The following MCTP1 variants were observed in gnomAD, a reference collection of about 807,000 sequenced individuals.
MCTP1 encodes the protein multiple C2 and transmembrane domain-containing protein 1.
In MCTP1, 69 loss-of-function variants were observed where a neutral mutation model predicts 120.6. That is an observed-to-expected ratio of 0.57 (90% CI 0.47 to 0.70). MCTP1 has a LOEUF of 0.70. Ranked by LOEUF, MCTP1 falls within the 30% of genes least tolerant of loss-of-function variation. The pLI, the probability that MCTP1 is intolerant of heterozygous loss-of-function variation, is 0.00. For missense variants in MCTP1, 1,203 were observed against 1,248.8 expected, an observed-to-expected ratio of 0.96 and a Z score of 0.55; for synonymous variants, 529 against 493.1, an observed-to-expected ratio of 1.07 and a Z score of -0.96.
intron 17 of MCTP1, among the ~76,000 whole-genome samples, chr5:94,847,196 T>C (rs1792587492): frequency 6.6e-6 from 1 of 152,208 alleles, no homozygotes; most frequent in Non-Finnish European, 1.5e-5. Flanking sequence ...AGGTGATATG[T>C]ATGTACATCA....
intron 2 of MCTP1, among the ~76,000 whole-genome samples, chr5:95,010,448 G>T (rs967435581): frequency 6.6e-6 from 1 of 151,890 alleles, no homozygotes; most frequent in Non-Finnish European, 1.5e-5. Context: ...ATATAAATTC[G>T]CAAATCTCAA....
intron 2 of MCTP1, among the ~76,000 whole-genome samples, chr5:95,012,236 A>G (rs1836145531): frequency 6.6e-6 from 1 of 152,104 alleles, no homozygotes; most frequent in African/African-American, 2.4e-5. Flanking sequence ...TTCATTCTAG[A>G]CTGCCTACTT....
At chr5:95,143,012 A>G (rs894711815) in intron 1 of MCTP1, among the ~76,000 whole-genome samples, 1 of 152,184 alleles carries the variant, frequency 6.6e-6, no homozygotes, top group Admixed American at 6.5e-5. Flanking sequence ...GAAAATTAAA[A>G]TTCTAAAAGG....
intron 4 of MCTP1, among the ~76,000 whole-genome samples, chr5:94,940,711 A>G (rs73136051): frequency 0.032 from 4,800 of 150,762 alleles, 171 homozygotes; most frequent in African/African-American, 0.087. Context: ...TAATGATTAC[A>G]TACAAAAATT....
intron 17 of MCTP1, among the ~76,000 whole-genome samples, chr5:94,828,051 GA>G (rs1269441629): frequency 6.6e-6 from 1 of 152,046 alleles, no homozygotes; most frequent in Admixed American, 6.5e-5. Flanking sequence ...CTGGTTTTTG[GA>G]ATTTTCAGCC....
At chr5:95,264,086 T>C (rs1451285775) in intron 1 of MCTP1, among the ~76,000 whole-genome samples, 1 of 152,216 alleles carries the variant, frequency 6.6e-6, no homozygotes, top group African/African-American at 2.4e-5. Flanking sequence ...ATGAAGCTGC[T>C]TGCAAGTGGA....
intron 1 of MCTP1, among the ~76,000 whole-genome samples, chr5:95,119,406 T>C (rs559312044): frequency 3.3e-5 from 5 of 152,162 alleles, no homozygotes; most frequent in African/African-American, 1.2e-4. Flanking sequence ...TTTATAGTTA[T>C]ACGTGCCTAC....
At chr5:95,018,503 A>AT (rs35327131) in intron 1 of MCTP1, among the ~76,000 whole-genome samples, 88,257 of 148,314 alleles carry the variant, frequency 0.6, 27,929 homozygotes, top group Non-Finnish European at 0.73. Context: ...TTAAAGCAGC[A>AT]TTTTTTTTTT....
In MCTP1 at chr5:95,182,738, T is replaced by TG. The variant is rs1192309091; in HGVS notation, c.720+101117dup. ...ATCATTTTTAAAATTATAAAAAAAA[T>TG]GGGGGGGACTCATGTTAACTGGCTT... On this transcript the variant is annotated intron_variant, in intron 1 of 22. Coordinates refer to ENST00000515393, the MANE Select transcript of MCTP1 (RefSeq NM_024717.7). Among the ~76,000 whole-genome samples, 9 of 151,642 alleles carry TG rather than the reference T, an allele frequency of 5.9e-5. No homozygotes were observed. The South Asian group carries it at 1.0e-3, about 18-fold the overall frequency.
At chr5:95,200,615 C>T (rs1285032235) in intron 1 of MCTP1, among the ~76,000 whole-genome samples, 1 of 152,126 alleles carries the variant, frequency 6.6e-6, no homozygotes, top group African/African-American at 2.4e-5. Context: ...ACAAATACCA[C>T]ATGATCTCAC....
chr5:94,718,275 A>T (rs951051877), intron 19 of MCTP1, among the ~76,000 whole-genome samples: 20 of 152,264 alleles, frequency 1.3e-4, no homozygotes, highest in African/African-American at 4.8e-4. Flanking sequence ...GATTCCCTAT[A>T]TAAAAACAGT....
At chr5:95,018,683 C>G (rs1837614735) in intron 1 of MCTP1, among the ~76,000 whole-genome samples, 1 of 151,994 alleles carries the variant, frequency 6.6e-6, no homozygotes, top group South Asian at 2.1e-4. Context: ...ATAAATGATT[C>G]CTCAGTCACT....
intron 22 of MCTP1, 117 bp downstream of exon 22, chr5:94,708,395 T>C (rs1755439879): frequency 1.6e-6 from 1 of 625,610 alleles, no homozygotes; most frequent in East Asian, 2.9e-5. Flanking sequence ...CTACACAGGC[T>C]TTATTAATTT....
At chr5:94,956,182 T>C (rs1435571997) in intron 2 of MCTP1, among the ~76,000 whole-genome samples, 1 of 152,084 alleles carries the variant, frequency 6.6e-6, no homozygotes, top group Admixed American at 6.5e-5. Context: ...ACCTGACTGT[T>C]AGAAGAAAAC....
rs1807829288 is a variant in MCTP1, at chr5:94,909,373, T to G, written c.1530A>C (p.Pro510=). 3 of 1,574,910 alleles carry G rather than the reference T, an allele frequency of 1.9e-6. No individual in the cohort carries two copies. The highest frequency in any genetic ancestry group is 8.6e-7 in the Non-Finnish European group (1 of 1,167,850). The part of the protein sequence containing the change: ...GHQKYKSKIM[P]KTLNPQWREQ... The stretch of plus-strand genomic sequence containing the variant: ...CCCTCCACTGAGGATTCAACGTTTT[T>G]GGCATAATCTGGAAAAAAAAATCAT... Residue 510 remains proline (P), a synonymous_variant, in exon 10 of 23, where the codon CCA becomes CCC. Coordinates refer to ENST00000515393, the MANE Select transcript of MCTP1 (RefSeq NM_024717.7).
chr5:94,892,357 ACTT>A (rs1344678617), intron 11 of MCTP1, among the ~76,000 whole-genome samples: 2 of 152,128 alleles, frequency 1.3e-5, no homozygotes, highest in Non-Finnish European at 2.9e-5. Context: ...AATGCTAACA[ACTT>A]CTTCTCTAAA....
intron 1 of MCTP1, among the ~76,000 whole-genome samples, chr5:95,060,583 C>T (rs1748697480): frequency 6.6e-6 from 1 of 152,112 alleles, no homozygotes; most frequent in African/African-American, 2.4e-5. Context: ...TCTGTAATAA[C>T]TAAAAAATTA....
chr5:94,905,159 G>A (rs1407835915), intron 10 of MCTP1, among the ~76,000 whole-genome samples: 1 of 152,134 alleles, frequency 6.6e-6, no homozygotes, highest in Non-Finnish European at 1.5e-5. Flanking sequence ...TAGAGGGAAA[G>A]GTCCTGAGGT....
chr5:95,170,546 A>G (rs1409343723), intron 1 of MCTP1, among the ~76,000 whole-genome samples: 1 of 152,170 alleles, frequency 6.6e-6, no homozygotes, highest in Non-Finnish European at 1.5e-5. Context: ...TGGGAGTCTA[A>G]GTCTCTTTGT....
Sources: allele counts gnomAD v4.1 joint callset (sites outside exome capture counted in the v4.1 genomes callset), GRCh38; gene constraint gnomAD v4.1.1; transcripts MANE v1.5; gene names NCBI Gene and HGNC (gene_info 2026-07-23, HGNC 2026-07-21).